Variants in IL1RAPL2 observed in about 807,000 individuals in gnomAD.
IL1RAPL2 encodes X-linked interleukin-1 receptor accessory protein-like 2.
In IL1RAPL2, 3 loss-of-function variants were observed where a neutral mutation model predicts 44.1. That is an observed-to-expected ratio of 0.07 (90% CI 0.03 to 0.18). The LOEUF is 0.18. Ranked by LOEUF, IL1RAPL2 falls within the 10% of genes least tolerant of loss-of-function variation. The pLI, the probability that IL1RAPL2 is intolerant of heterozygous loss-of-function variation, is 1.00. For missense variants in IL1RAPL2, 391 were observed against 496.4 expected, an observed-to-expected ratio of 0.79 and a Z score of 2.02; for synonymous variants, 181 against 178.8, an observed-to-expected ratio of 1.01 and a Z score of -0.10.
intron 3 of IL1RAPL2, among the ~76,000 whole-genome samples, chrX:105,201,602 T>C (rs1556146540): frequency 8.9e-6 from 1 of 111,734 alleles, no homozygotes; most frequent in Admixed American, 9.5e-5. Flanking sequence ...AAGACCTGTG[T>C]CTTTAGAAAA....
chrX:105,390,590 T>A (rs930776181), intron 5 of IL1RAPL2, among the ~76,000 whole-genome samples: 15 of 110,764 alleles, frequency 1.4e-4, no homozygotes, highest in African/African-American at 4.9e-4. Context: ...ATTGTTGGGC[T>A]CTTTTTTTTT....
intron 2 of IL1RAPL2, among the ~76,000 whole-genome samples, chrX:104,826,155 C>T (rs1363874898): frequency 9.0e-6 from 1 of 111,506 alleles, no homozygotes; most frequent in East Asian, 2.8e-4. Flanking sequence ...TTGTCTTCTG[C>T]TAGCTTTTGA....
chrX:104,840,778 G>A (rs1160102901), intron 2 of IL1RAPL2, among the ~76,000 whole-genome samples: 6 of 109,819 alleles, frequency 5.5e-5, no homozygotes, highest in Non-Finnish European at 7.6e-5. Flanking sequence ...GGGTTCAAGC[G>A]ATTTTCCTGC....
intron 2 of IL1RAPL2, among the ~76,000 whole-genome samples, chrX:104,871,153 C>T (rs1225307456): frequency 9.0e-6 from 1 of 111,035 alleles, no homozygotes; most frequent in Non-Finnish European, 1.9e-5. Context: ...GAAAAGATCC[C>T]CTGAAAAAGT....
chrX:105,295,464 A>G (rs1045703119), intron 5 of IL1RAPL2, among the ~76,000 whole-genome samples: 2 of 112,005 alleles, frequency 1.8e-5, no homozygotes, highest in Non-Finnish European at 3.8e-5. Context: ...AGACAGGTGT[A>G]AAGTGAATCC....
At chrX:104,792,647 A>G (rs909208383) in intron 2 of IL1RAPL2, among the ~76,000 whole-genome samples, 5 of 111,620 alleles carry the variant, frequency 4.5e-5, no homozygotes, top group Admixed American at 2.9e-4. Flanking sequence ...TGAAAAGGGG[A>G]TAAGTGTAGC....
rs552492494 is a variant in IL1RAPL2 at position 105,090,599 on chromosome X, G to C, written c.83-104876G>C. On this transcript the variant is annotated intron_variant, in intron 2 of 10. Transcript: ENST00000372582. ...ATACATACAGACATAGCAGGCCTCTGAGGTTACCTCAACTTCTCTTAGAGC... is the reference window on the plus strand; with the variant it reads ...ATACATACAGACATAGCAGGCCTCTCAGGTTACCTCAACTTCTCTTAGAGC... Among the ~76,000 whole-genome samples, 10 of 112,139 alleles carry C rather than the reference G, an allele frequency of 8.9e-5. No homozygotes were observed. The South Asian group carries it at 3.7e-3, about 42-fold the overall frequency.
intron 2 of IL1RAPL2, among the ~76,000 whole-genome samples, chrX:104,661,863 C>T (rs891736738): frequency 9.0e-6 from 1 of 111,588 alleles, no homozygotes; most frequent in Non-Finnish European, 1.9e-5. Context: ...CTTCCCTTCC[C>T]TCAAGTCAAG....
intron 2 of IL1RAPL2, among the ~76,000 whole-genome samples, chrX:105,132,649 T>C (rs893691340): frequency 9.0e-6 from 1 of 111,596 alleles, no homozygotes; most frequent in African/African-American, 3.2e-5. Flanking sequence ...TGAGTTCCCT[T>C]ATATAAAGTT....
At chrX:105,143,220 T>G (rs1375957276) in intron 2 of IL1RAPL2, among the ~76,000 whole-genome samples, 2 of 111,236 alleles carry the variant, frequency 1.8e-5, no homozygotes, top group Non-Finnish European at 3.8e-5. Context: ...ATATCCAGAA[T>G]CTACAATGAA....
Position 105,043,813 on chromosome X carries a change from G to T in IL1RAPL2, c.83-151662G>T, listed in dbSNP as rs770981562. ...GAATATTTGCCTGGTCCATATTTAG[G>T]TTGTTCTTTTCATCATGAAAAGTTC... On this transcript the variant is annotated intron_variant, in intron 2 of 10. Transcript: ENST00000372582. Among the ~76,000 whole-genome samples, 3 of 111,300 alleles carry T rather than the reference G, an allele frequency of 2.7e-5. No homozygotes were observed. The Admixed American group carries it at 2.9e-4, about 11-fold the overall frequency.
chrX:104,652,283 C>T (rs1405983064), intron 1 of IL1RAPL2, among the ~76,000 whole-genome samples: 1 of 111,631 alleles, frequency 9.0e-6, no homozygotes, highest in Non-Finnish European at 1.9e-5. Context: ...AGGGCACCAA[C>T]AGTGTTTATG....
In IL1RAPL2 at chrX:105,058,704, GA is replaced by G. The variant is rs1021130073; in HGVS notation, c.83-136763del. Among the ~76,000 whole-genome samples the G allele has an allele frequency of 1.3e-4, 14 of 110,160 alleles. No homozygotes were observed. The East Asian group carries it at 1.4e-3, about 11-fold the overall frequency. On this transcript the variant is annotated intron_variant, in intron 2 of 10. Transcript: ENST00000372582. ...TTACAGACTTTTTTCCTTTTCTCCAGAAAAAAAAGGAATGTATGACTTAGAA... is the reference window on the plus strand; with the variant it reads ...TTACAGACTTTTTTCCTTTTCTCCAGAAAAAAAGGAATGTATGACTTAGAA...
intron 2 of IL1RAPL2, among the ~76,000 whole-genome samples, chrX:104,841,289 G>T (rs1203235191): frequency 1.8e-5 from 2 of 111,511 alleles, no homozygotes; most frequent in African/African-American, 6.5e-5. Flanking sequence ...GTCTTTGCAC[G>T]TGAGATGTGT....
intron 1 of IL1RAPL2, among the ~76,000 whole-genome samples, chrX:104,642,315 C>T (rs1018673993): frequency 8.9e-6 from 1 of 112,181 alleles, no homozygotes. Context: ...AATCAGCCAT[C>T]TTGAAGCTCC....
intron 2 of IL1RAPL2, among the ~76,000 whole-genome samples, chrX:105,139,365 G>C (rs1450739416): frequency 1.8e-5 from 2 of 111,502 alleles, no homozygotes; most frequent in Non-Finnish European, 3.8e-5. Context: ...AAAAAGGGGG[G>C]AGAATGTGGA....
At chrX:104,921,283 G>C (rs1257027910) in intron 2 of IL1RAPL2, among the ~76,000 whole-genome samples, 1 of 94,802 alleles carries the variant, frequency 1.1e-5, no homozygotes, top group African/African-American at 4.1e-5. Context: ...AGTTGTTACA[G>C]GTCCTGCTGT....
intron 6 of IL1RAPL2, among the ~76,000 whole-genome samples, chrX:105,704,146 A>G (rs547280296): frequency 8.9e-6 from 1 of 112,076 alleles, no homozygotes; most frequent in Admixed American, 9.5e-5. Context: ...ACAAAGCAGA[A>G]TGTTGTACAT....
At chrX:104,604,633 CAAAAAAAAAA>C (rs36050333) in intron 1 of IL1RAPL2, among the ~76,000 whole-genome samples, 3 of 31,102 alleles carry the variant, frequency 9.6e-5, no homozygotes, top group Non-Finnish European at 1.7e-4. Flanking sequence ...AAATGCATAG[CAAAAAAAAAA>C]AAAAAAAAAA....
Sources: allele counts gnomAD v4.1 joint callset (sites outside exome capture counted in the v4.1 genomes callset), GRCh38; gene constraint gnomAD v4.1.1; transcripts MANE v1.5; gene names NCBI Gene and HGNC (gene_info 2026-07-23, HGNC 2026-07-21).